The following ECT2L variants were observed in gnomAD, a reference collection of about 807,000 sequenced individuals.
ECT2L encodes the protein epithelial cell-transforming sequence 2 oncogene-like.
In ECT2L, 126 loss-of-function variants were observed where a neutral mutation model predicts 122.8. That is an observed-to-expected ratio of 1.03 (90% confidence interval 0.89 to 1.19). The LOEUF is 1.19. Among genes scored for constraint, ECT2L ranks in the 50% most tolerant of loss-of-function variants. ECT2L has a pLI of 0.00. For missense variants in ECT2L, 1,012 were observed against 1,064.1 expected (o/e 0.95, Z 0.68); for synonymous variants, 385 against 381.8 (o/e 1.01, Z -0.10).
chr6:138,831,920 A>T (rs992183412), intron 4 of ECT2L, among the ~76,000 whole-genome samples: 1 of 152,248 alleles, frequency 6.6e-6, no homozygotes, highest in African/African-American at 2.4e-5. Context: ...CCCAGGAAAG[A>T]CATATATATG....
chr6:138,845,444 G>A (rs146584758), intron 7 of ECT2L, among the ~76,000 whole-genome samples: 18 of 151,984 alleles, frequency 1.2e-4, no homozygotes, highest in Middle Eastern at 3.4e-3. Flanking sequence ...GGGTTTCACC[G>A]TATTGGCCAG....
intron 9 of ECT2L, among the ~76,000 whole-genome samples, chr6:138,849,714 G>A (rs1469413256): frequency 2.0e-5 from 3 of 151,864 alleles, no homozygotes; most frequent in African/African-American, 7.3e-5. Flanking sequence ...GACCACAGGT[G>A]TGTGCCGCCA....
At chr6:138,804,768 T>C (rs1026099754) in intron 1 of ECT2L, among the ~76,000 whole-genome samples, 1 of 152,232 alleles carries the variant, frequency 6.6e-6, no homozygotes, top group South Asian at 2.1e-4. Flanking sequence ...AGTTTTATAA[T>C]TTTCTTCATA....
intron 18 of ECT2L, 146 bp downstream of exon 18, chr6:138,885,976 T>C: frequency 1.3e-6 from 1 of 754,578 alleles, no homozygotes; most frequent in Non-Finnish European, 2.1e-6. Flanking sequence ...ATCAATAGTG[T>C]GTTCCGTGAT....
At chr6:138,891,514 T>TA (rs1450864448) in intron 20 of ECT2L, among the ~76,000 whole-genome samples, 1 of 152,200 alleles carries the variant, frequency 6.6e-6, no homozygotes, top group Non-Finnish European at 1.5e-5. Flanking sequence ...AGCCAGATAC[T>TA]CCTTTCTACT....
chr6:138,873,413 G>T (rs557626345), intron 13 of ECT2L, among the ~76,000 whole-genome samples: 312 of 152,306 alleles, frequency 2.0e-3, no homozygotes, highest in African/African-American at 7.0e-3. Context: ...CCTTACATTA[G>T]GGTTTATTTT....
At chr6:138,872,322 T>G (rs2128402983) in intron 13 of ECT2L, among the ~76,000 whole-genome samples, 1 of 152,330 alleles carries the variant, frequency 6.6e-6, no homozygotes, top group Admixed American at 6.5e-5. Context: ...GCTAACCACA[T>G]GCTAGACCTT....
chr6:138,843,242 T>G lies in ECT2L; in HGVS notation c.595+11T>G. The G allele has an allele frequency of 1.3e-6, 2 of 1,568,956 alleles. No individual in the cohort carries two copies. The highest frequency in any genetic ancestry group is 1.7e-6 in the Non-Finnish European group (2 of 1,156,372). ...TTGCACTACGTAAGAGTAAGTAGCATTTTAAACCTTTATATCTTAGGTAAA... is the reference window on the plus strand; with the variant it reads ...TTGCACTACGTAAGAGTAAGTAGCAGTTTAAACCTTTATATCTTAGGTAAA... On this transcript the variant is annotated intron_variant, in intron 6 of 21. Transcript: ENST00000541398.
At chr6:138,808,018 C>G (rs1191097791) in intron 1 of ECT2L, among the ~76,000 whole-genome samples, 1 of 152,072 alleles carries the variant, frequency 6.6e-6, no homozygotes, top group South Asian at 2.1e-4. Context: ...CATTTTCATA[C>G]ACATTTTATA....
chr6:138,858,836 G>C (rs1777718031), intron 10 of ECT2L, among the ~76,000 whole-genome samples: 1 of 151,228 alleles, frequency 6.6e-6, no homozygotes, highest in Non-Finnish European at 1.5e-5. Flanking sequence ...CTCCTGAGTA[G>C]CTGGGACTAC....
chr6:138,831,584 G>A (rs149771409), intron 4 of ECT2L, among the ~76,000 whole-genome samples: 2,973 of 152,258 alleles, frequency 0.02, 48 homozygotes, highest in Non-Finnish European at 0.033. Context: ...AGCTCCCGCA[G>A]GGAAGCCTTT....
intron 4 of ECT2L, among the ~76,000 whole-genome samples, chr6:138,817,679 G>T (rs1776117690): frequency 6.6e-6 from 1 of 152,086 alleles, no homozygotes; most frequent in South Asian, 2.1e-4. Context: ...GGCCTAATAA[G>T]TATTCCCTAG....
At chr6:138,818,313 G>C (rs9495263) in intron 4 of ECT2L, among the ~76,000 whole-genome samples, 1,723 of 151,716 alleles carry the variant, frequency 0.011, 28 homozygotes, top group African/African-American at 0.034. Context: ...TATCCACCAA[G>C]GTGTATTAAG....
rs369637766 is a variant in ECT2L at position 138,885,752 on chromosome 6, C to G, written c.2181C>G (p.Thr727=). 1 of 1,614,110 alleles carries G rather than the reference C, an allele frequency of 6.2e-7. No homozygotes were observed. Among genetic ancestry groups the G allele is most frequent in the Non-Finnish European group, 8.5e-7 (1 of 1,180,016 alleles). Residue 727 remains threonine, a synonymous_variant, in exon 18 of 22, where the codon ACC becomes ACG. Transcript: ENST00000541398. ...LNLLYAVRLH[T]PAEHVDRGDL... is the part of the protein sequence containing the mutation. ...TTCTCTACGCTGTCAGGCTTCATAC[C>G]CCTGCAGAGCATGTTGACCGTGGGG... is the stretch of plus-strand genomic sequence containing the variant.
chr6:138,799,733 TAC>T (rs1242732577), intron 1 of ECT2L, among the ~76,000 whole-genome samples: 1 of 152,192 alleles, frequency 6.6e-6, no homozygotes, highest in African/African-American at 2.4e-5. Flanking sequence ...CTAATTTTTG[TAC>T]AGATGGGGCT....
chr6:138,835,242 A>C (rs747361676), intron 4 of ECT2L, among the ~76,000 whole-genome samples: 5 of 152,206 alleles, frequency 3.3e-5, no homozygotes, highest in Non-Finnish European at 7.4e-5. Context: ...GGACTTCCTC[A>C]TTTAGTTAAC....
chr6:138,877,297 C>A (rs958755957), intron 14 of ECT2L, among the ~76,000 whole-genome samples: 4 of 152,108 alleles, frequency 2.6e-5, no homozygotes, highest in African/African-American at 9.7e-5. Flanking sequence ...GCCGTGGAGC[C>A]CCAGGACATG....
At chr6:138,805,357 C>T (rs764992032) in intron 1 of ECT2L, among the ~76,000 whole-genome samples, 4 of 152,128 alleles carry the variant, frequency 2.6e-5, no homozygotes, top group Non-Finnish European at 4.4e-5. Flanking sequence ...GAAATAACGC[C>T]AAATAGTTTT....
chr6:138,877,964 T>C (rs1199034579), intron 14 of ECT2L, among the ~76,000 whole-genome samples: 1 of 152,250 alleles, frequency 6.6e-6, no homozygotes, highest in East Asian at 1.9e-4. Flanking sequence ...ATATTTCAAA[T>C]ACAGTGAGTT....
Sources: gnomAD v4.1 joint callset for allele counts (sites outside exome capture counted in the v4.1 genomes callset) on GRCh38, gnomAD v4.1.1 for gene constraint, MANE v1.5 for transcripts, NCBI Gene and HGNC (gene_info 2026-07-23, HGNC 2026-07-21) for gene names.